The following BAZ2B variants were observed in gnomAD, a reference collection of about 807,000 sequenced individuals.
The protein encoded by BAZ2B is bromodomain adjacent to zinc finger domain protein 2B.
A neutral mutation model predicts 246.0 loss-of-function variants in BAZ2B; 91 were observed. The observed-to-expected ratio is 0.37, with a 90% confidence interval of 0.31 to 0.44. BAZ2B has a LOEUF of 0.44. Among genes scored for constraint, BAZ2B ranks in the 20% least tolerant of loss-of-function variants. BAZ2B has a pLI of 1.00. For missense variants in BAZ2B, 2,332 were observed against 2,533.7 expected, an observed-to-expected ratio of 0.92 and a Z score of 1.71; for synonymous variants, 855 against 860.0, an observed-to-expected ratio of 0.99 and a Z score of 0.10.
At chr2:159,691,279 C>T in the BAZ2B span, among the ~76,000 whole-genome samples, 1 of 152,256 alleles carries the variant, frequency 6.6e-6, no homozygotes, top group African/African-American at 2.4e-5. Context: ...GTGGGGGCAG[C>T]GGTGCTGACT....
chr2:159,598,719 A>T (rs966596669), intron 1 of BAZ2B, among the ~76,000 whole-genome samples: 2 of 151,980 alleles, frequency 1.3e-5, no homozygotes, highest in African/African-American at 4.8e-5. Flanking sequence ...TACAAAAATT[A>T]GCCAGGCACC....
At chr2:159,518,932 G>T (rs1448039431) in intron 2 of BAZ2B, among the ~76,000 whole-genome samples, 2 of 152,154 alleles carry the variant, frequency 1.3e-5, no homozygotes, top group African/African-American at 4.8e-5. Flanking sequence ...AGAATTGAGA[G>T]AAGTTTTAAA....
At chr2:159,631,031 A>C in the BAZ2B span, among the ~76,000 whole-genome samples, 1 of 151,976 alleles carries the variant, frequency 6.6e-6, no homozygotes, top group African/African-American at 2.4e-5. Context: ...CCAACTTTAC[A>C]AAAAAATTTT....
chr2:159,407,190 G>T (rs2066081936), intron 14 of BAZ2B, among the ~76,000 whole-genome samples: 1 of 151,940 alleles, frequency 6.6e-6, no homozygotes, highest in African/African-American at 2.4e-5. Context: ...ACCCACAACT[G>T]GCTGGGCACA....
At chr2:159,597,845 A>G (rs1016782259) in intron 1 of BAZ2B, among the ~76,000 whole-genome samples, 5 of 152,200 alleles carry the variant, frequency 3.3e-5, no homozygotes, top group East Asian at 3.8e-4. Flanking sequence ...CTCTATCTCA[A>G]TCAAACCCCA....
rs918392178 is a variant in BAZ2B at position 159,349,973 on chromosome 2, G to A, written c.4598C>T (p.Ser1533Leu). 1 of 1,614,176 alleles carries A rather than the reference G, an allele frequency of 6.2e-7. No individual in the cohort carries two copies. The highest frequency in any genetic ancestry group is 8.5e-7 in the Non-Finnish European group (1 of 1,180,014). ...ADSNNLFNTGSSGPGKFYSPL... is the reference protein window; with the variant it reads ...ADSNNLFNTGLSGPGKFYSPL... The stretch of plus-strand genomic sequence containing the variant: ...ACTGTAGAACTTCCCTGGACCACTT[G>A]AACCAGTATTAAACAGATTATTAGA... The change falls in exon 28 of 37, where the codon TCA becomes TTA. Residue 1533 changes from serine to leucine, a missense_variant. Ser to Leu is a moderately radical substitution (Grantham distance 145). This residue lies in a region of BAZ2B where 676 missense variants were observed against 668.6 expected (regional missense o/e 1.01). Coordinates refer to ENST00000392783, the MANE Select transcript of BAZ2B (RefSeq NM_013450.4).
intron 2 of BAZ2B, among the ~76,000 whole-genome samples, chr2:159,543,293 T>C (rs1180321202): frequency 6.6e-6 from 1 of 152,184 alleles, no homozygotes; most frequent in Admixed American, 6.5e-5. Flanking sequence ...GAAGTATGAA[T>C]TGGTAAAATA....
At chr2:159,421,959 G>A (rs545741524) in intron 13 of BAZ2B, among the ~76,000 whole-genome samples, 34 of 152,146 alleles carry the variant, frequency 2.2e-4, no homozygotes, top group African/African-American at 5.5e-4. Flanking sequence ...TCCAAGCTGA[G>A]AGCCAAATCA....
chr2:159,374,856 T>C, intron 25 of BAZ2B, 103 bp from the exon 26 acceptor site: 1 of 920,142 alleles, frequency 1.1e-6, no homozygotes, highest in Non-Finnish European at 1.7e-6. Flanking sequence ...GGAAAGGTAT[T>C]AAGACTCAGT....
chr2:159,688,981 C>T, the BAZ2B span, among the ~76,000 whole-genome samples: 6 of 152,056 alleles, frequency 3.9e-5, no homozygotes, highest in Admixed American at 3.9e-4. Flanking sequence ...TGTATAGTTG[C>T]TATTTTTTTT....
intron 25 of BAZ2B, 82 bp downstream of exon 25, chr2:159,382,477 G>A (rs778087644): frequency 2.0e-5 from 28 of 1,382,250 alleles, no homozygotes; most frequent in South Asian, 7.3e-5. Context: ...ATTCAAATCC[G>A]AATCCATCTG....
intron 1 of BAZ2B, among the ~76,000 whole-genome samples, chr2:159,587,352 T>A (rs1688280387): frequency 6.6e-6 from 1 of 152,128 alleles, no homozygotes; most frequent in African/African-American, 2.4e-5. Flanking sequence ...AGCGCTGGGA[T>A]TACAGGCACG....
intron 1 of BAZ2B, among the ~76,000 whole-genome samples, chr2:159,600,541 C>G (rs1451224907): frequency 6.6e-6 from 1 of 152,138 alleles, no homozygotes; most frequent in Non-Finnish European, 1.5e-5. Flanking sequence ...CCTTTAAAAT[C>G]TGAATAACAT....
rs78280111 is a variant in BAZ2B, at chr2:159,522,719, G to A, written c.-3+33104C>T. On this transcript the variant is annotated intron_variant, in intron 2 of 36. Transcript: ENST00000392783. ...TGAAGCTACAAACCACACAACCACA[G>A]AACGATCAATCAATCTAAACACAAG... Among the ~76,000 whole-genome samples the A allele has an allele frequency of 3.2e-3, 484 of 152,200 alleles. 3 individuals are homozygous for A. Among genetic ancestry groups the A allele is most frequent in the African/African-American group, 0.011 (447 of 41,538 alleles).
At chr2:159,639,804 C>G in the BAZ2B span, among the ~76,000 whole-genome samples, 3 of 151,962 alleles carry the variant, frequency 2.0e-5, no homozygotes, top group South Asian at 6.2e-4. Context: ...AATAAACAAA[C>G]AAACCAGAAA....
intron 2 of BAZ2B, among the ~76,000 whole-genome samples, chr2:159,525,698 C>G (rs1277428991): frequency 1.3e-5 from 2 of 152,076 alleles, no homozygotes; most frequent in Admixed American, 6.6e-5. Context: ...TGTACCTGGG[C>G]AGCATAAGAG....
At chr2:159,704,649 A>G in the BAZ2B span, among the ~76,000 whole-genome samples, 7 of 151,602 alleles carry the variant, frequency 4.6e-5, no homozygotes, top group East Asian at 1.4e-3. Context: ...TGCCCATCTA[A>G]TTTTTGTATT....
intron 1 of BAZ2B, among the ~76,000 whole-genome samples, chr2:159,595,755 T>C (rs1011342972): frequency 6.6e-6 from 1 of 152,258 alleles, no homozygotes; most frequent in Non-Finnish European, 1.5e-5. Flanking sequence ...GGAGGTACTA[T>C]CAGTCCATAG....
chr2:159,384,879 T>C (rs944520891), intron 23 of BAZ2B, among the ~76,000 whole-genome samples: 1 of 152,092 alleles, frequency 6.6e-6, no homozygotes, highest in African/African-American at 2.4e-5. Context: ...AAAAAAGTTA[T>C]GTATAAAGAA....
Sources: gnomAD v4.1 joint callset for allele counts (sites outside exome capture counted in the v4.1 genomes callset) on GRCh38, gnomAD v4.1.1 for gene constraint, gnomAD v4.1.1 regional missense constraint, MANE v1.5 for transcripts, NCBI Gene and HGNC (gene_info 2026-07-23, HGNC 2026-07-21) for gene names.